The following NAALADL1 variants were observed in gnomAD, a reference collection of about 807,000 sequenced individuals.
The protein encoded by NAALADL1 is N-acetylated alpha-linked acidic dipeptidase like 1, also known as aminopeptidase NAALADL1.
A neutral mutation model predicts 82.8 loss-of-function variants in NAALADL1; 77 were observed. That is an observed-to-expected ratio of 0.93 (90% CI 0.77 to 1.12). NAALADL1 has a LOEUF of 1.12. Ranked by LOEUF, NAALADL1 falls within the 50% of genes most tolerant of loss-of-function variation. NAALADL1 has a pLI of 0.00. For synonymous variants in NAALADL1, 358 were observed against 399.2 expected (o/e 0.90, Z 1.23); for missense variants, 956 against 964.0 (o/e 0.99, Z 0.11).
chr11:65,047,109 A>G (rs1946751032), intron 13 of NAALADL1, among the ~76,000 whole-genome samples: 1 of 152,024 alleles, frequency 6.6e-6, no homozygotes, highest in Non-Finnish European at 1.5e-5. Context: ...GGCACATCTT[A>G]TAATCAGTAG....
intron 8 of NAALADL1, among the ~76,000 whole-genome samples, chr11:65,048,904 A>G (rs540661326): frequency 7.2e-5 from 11 of 152,276 alleles, no homozygotes; most frequent in African/African-American, 2.6e-4. Flanking sequence ...TTGGCTCCAC[A>G]CTGTGGGTAT....
intron 4 of NAALADL1, among the ~76,000 whole-genome samples, chr11:65,055,878 T>C (rs1357009896): frequency 3.3e-5 from 5 of 151,604 alleles, no homozygotes; most frequent in African/African-American, 7.3e-5. Context: ...GCTCTTATTA[T>C]GGACACCTTT....
In NAALADL1 at chr11:65,058,079, G is replaced by A. The variant is rs201431698; in HGVS notation, c.357C>T (p.Ile119=). The A allele has an allele frequency of 4.0e-5, 65 of 1,610,396 alleles. No homozygotes were observed. Among genetic ancestry groups the A allele is most frequent in the Middle Eastern group, 1.6e-4 (1 of 6,062 alleles). ...TCCCAAGACTGGGCAGGACCTCACC[G>A]ATGTCCACGACGTTGGGCTGCTCCT... ...PSQEQPNVVD[I]VGPTGGIIHS... Residue 119 remains isoleucine (I), a splice_region_variant and synonymous_variant, in exon 2 of 18, where the codon ATC becomes ATT. Transcript: ENST00000358658.
In NAALADL1 at chr11:65,054,358, G is replaced by A. The variant is rs896595038; in HGVS notation, c.888-4C>T. 13 of 1,613,780 alleles carry A rather than the reference G, an allele frequency of 8.1e-6. No individual in the cohort carries two copies. The African/African-American group carries it at 1.3e-4, about 17-fold the overall frequency. Reference sequence around the variant, plus strand: ...GGCCAAAGTTCCGTTGAGGTTACTGGGGAGGAGGAAGAGGCCCTTCAGGGT... The same window carrying A: ...GGCCAAAGTTCCGTTGAGGTTACTGAGGAGGAGGAAGAGGCCCTTCAGGGT... On this transcript the variant is annotated splice_polypyrimidine_tract_variant and splice_region_variant and intron_variant, in intron 5 of 17. Coordinates refer to ENST00000358658, the MANE Select transcript of NAALADL1 (RefSeq NM_005468.3). The surrounding 1 kb of genome is among the most constrained non-coding windows in gnomAD (Gnocchi z 4.3).
chr11:65,057,246 C>T, intron 4 of NAALADL1, 125 bp downstream of exon 4: 1 of 1,418,212 alleles, frequency 7.1e-7, no homozygotes, highest in Non-Finnish European at 9.4e-7. Context: ...CTTTCCTGCC[C>T]CACCCTGGGG....
In NAALADL1 at chr11:65,045,914, G is replaced by A; in HGVS notation, c.1944C>T (p.Asp648=). The A allele has an allele frequency of 6.2e-7, 1 of 1,613,996 alleles. No individual in the cohort carries two copies. The highest frequency in any genetic ancestry group is 8.5e-7 in the Non-Finnish European group (1 of 1,179,958). The part of the protein sequence containing the change: ...RISTLQKGSP[D]PLQVRMLNDQ... ...CATTGAGCATCCGGACCTGCAGGGG[G>A]CTGGTGGGGAGGCAGGAACTGCCAG... The change falls in exon 17 of 18, where the codon GAC becomes GAT. Residue 648 remains aspartate (D), a splice_region_variant and synonymous_variant. Coordinates refer to ENST00000358658, the MANE Select transcript of NAALADL1 (RefSeq NM_005468.3).
chr11:65,054,517 G>C lies in NAALADL1; in HGVS notation c.825C>G (p.Val275=). 3.1e-6 allele frequency: 5 copies of C among 1,614,048 alleles called. No homozygotes were observed. The highest frequency in any genetic ancestry group is 4.2e-6 in the Non-Finnish European group (5 of 1,180,024). The part of the protein sequence containing the change: ...PSSFRVDLAN[V]SGFPPIPTQP... The stretch of plus-strand genomic sequence containing the variant: ...GTGTAGGAATTGGGGGAAATCCGGA[G>C]ACATTGGCAAGGTCCACGCGGAAGG... Residue 275 remains valine (V), a synonymous_variant, in exon 5 of 18, where the codon GTC becomes GTG. Coordinates refer to ENST00000358658, the MANE Select transcript of NAALADL1 (RefSeq NM_005468.3). The surrounding 1 kb of genome is among the most constrained non-coding windows in gnomAD (Gnocchi z 4.3).
chr11:65,046,868 C>T (rs774578712), intron 13 of NAALADL1, among the ~76,000 whole-genome samples: 3 of 152,130 alleles, frequency 2.0e-5, no homozygotes, highest in Non-Finnish European at 2.9e-5. Flanking sequence ...GAGCATCAAA[C>T]AGGGAGGTGC....
intron 4 of NAALADL1, among the ~76,000 whole-genome samples, chr11:65,055,746 T>C (rs991392211): frequency 2.6e-5 from 4 of 152,176 alleles, no homozygotes; most frequent in African/African-American, 9.7e-5. Context: ...GTAGTGGTGA[T>C]GGTTAATTAA....
chr11:65,054,818 T>C lies in NAALADL1; in HGVS notation c.604-80A>G. On this transcript the variant is annotated intron_variant, in intron 4 of 17. Transcript: ENST00000358658. This position sits in a 1 kb window ranked among gnomAD's most constrained non-coding sequence, Gnocchi z 4.3. ...CTATTCCTCTTCCTCCTTCCTCGAC[T>C]GTGGAAGCCAGGATAGACCAATCTT... 1 of 1,515,184 alleles carries C rather than the reference T, an allele frequency of 6.6e-7. No individual in the cohort carries two copies. The highest frequency in any genetic ancestry group is 8.9e-7 in the Non-Finnish European group (1 of 1,124,194). The allele number at this position is 1,515,184 out of a possible 1,614,324, so 93.9% of individuals were successfully genotyped here.
chr11:65,060,286 TG>T (rs1274102526), upstream of NAALADL1, among the ~76,000 whole-genome samples: 1 of 152,074 alleles, frequency 6.6e-6, no homozygotes, highest in African/African-American at 2.4e-5. Flanking sequence ...TAGGGGTGGC[TG>T]GGAAGGGATG....
chr11:65,051,315 C>CTTTT lies in NAALADL1; in HGVS notation c.1198+1899_1198+1902dup, dbSNP rs10535126. Among the ~76,000 whole-genome samples, 113 of 59,564 alleles carry CTTTT rather than the reference C, an allele frequency of 1.9e-3. 6 individuals carry two copies. The highest frequency in any genetic ancestry group is 6.5e-3 in the African/African-American group (101 of 15,592). The allele number at this position is 59,564 out of a possible 152,430, so 39.1% of individuals were successfully genotyped here. ...AAGTCTCTCTCTCCTTTCTTTCTTT[C>CTTTT]TTTTTTTTTTTTTTTTTTTTTTTTT... On this transcript the variant is annotated intron_variant, in intron 8 of 17. Coordinates refer to ENST00000358658, the MANE Select transcript of NAALADL1 (RefSeq NM_005468.3).
At position 65,054,450 on chromosome 11, in the gene NAALADL1, C is replaced by T. The variant is rs1306872248; in HGVS notation, c.887+5G>A. 5 of 1,613,778 alleles carry T rather than the reference C, an allele frequency of 3.1e-6. No homozygotes were observed. In the African/African-American group the frequency reaches 5.3e-5, roughly 17 times the overall value. On this transcript the variant is annotated splice_donor_5th_base_variant and intron_variant, in intron 5 of 17. Transcript: ENST00000358658. The surrounding 1 kb of genome is among the most constrained non-coding windows in gnomAD (Gnocchi z 4.3). ...TGGGCAGGACACCCCAGGGCACAAA[C>T]TCACCAGAGCAGGTCTCTTGCATCC...
At chr11:65,048,773 T>C (rs544875766) in intron 8 of NAALADL1, among the ~76,000 whole-genome samples, 34 of 152,152 alleles carry the variant, frequency 2.2e-4, no homozygotes, top group South Asian at 4.1e-4. Flanking sequence ...CCTACAACAA[T>C]GCCTTGAGGG....
At chr11:65,047,813 C>G in intron 11 of NAALADL1, 75 bp from the exon 12 acceptor site, 2 of 1,498,626 alleles carry the variant, frequency 1.3e-6, no homozygotes, top group South Asian at 1.2e-5. Context: ...CTCCACCGGT[C>G]TCCTGCCCAC....
intron 8 of NAALADL1, among the ~76,000 whole-genome samples, chr11:65,052,133 C>G (rs563276771): frequency 1.3e-5 from 2 of 152,136 alleles, no homozygotes; most frequent in Non-Finnish European, 2.9e-5. Context: ...GCACTAATGT[C>G]GAGTCGCTTA....
At chr11:65,055,447 CAACA>C (rs1202445139) in intron 4 of NAALADL1, among the ~76,000 whole-genome samples, 3 of 151,920 alleles carry the variant, frequency 2.0e-5, no homozygotes, top group African/African-American at 4.8e-5. Context: ...AAAAAAACCC[CAACA>C]AACAAACAAA....
chr11:65,046,362 C>A lies in NAALADL1; in HGVS notation c.1682G>T (p.Gly561Val), dbSNP rs1426650819. ...GGCCACAGCCTGATGGCTGCTGAAG[C>A]CTGCGGCAAGGTGACAAGGCCAGGG... ...FDYVDKFLDPGFSSHQAVART... is the reference protein window; with the variant it reads ...FDYVDKFLDPVFSSHQAVART... Residue 561 changes from glycine to valine, a missense_variant and splice_region_variant, in exon 15 of 18, where the codon GGC becomes GTC. Gly to Val is a moderately radical substitution (Grantham distance 109). Coordinates refer to ENST00000358658, the MANE Select transcript of NAALADL1 (RefSeq NM_005468.3). 3.1e-6 allele frequency: 5 copies of A among 1,614,220 alleles called. No homozygotes were observed. The highest frequency in any genetic ancestry group is 2.2e-5 in the East Asian group (1 of 44,890).
At chr11:65,058,634 C>A, upstream of NAALADL1, 2 of 1,048,666 alleles carry the variant, frequency 1.9e-6, no homozygotes. Flanking sequence ...CTTTGACCCC[C>A]AGCTGGCAGG....
Sources: allele counts gnomAD v4.1 joint callset (sites outside exome capture counted in the v4.1 genomes callset), GRCh38; gene constraint gnomAD v4.1.1; non-coding constraint Gnocchi (gnomAD v3.1); transcripts MANE v1.5; gene names NCBI Gene and HGNC (gene_info 2026-07-23, HGNC 2026-07-21).